Variants in SLCO3A1 observed in about 807,000 individuals in gnomAD.
The protein encoded by SLCO3A1 is PGE1 transporter.
A neutral mutation model predicts 63.1 loss-of-function variants in SLCO3A1; 27 were observed. The observed-to-expected ratio is 0.43, with a 90% CI of 0.32 to 0.59. The LOEUF (loss-of-function observed/expected upper bound fraction) is 0.59, where lower values mean the gene tolerates loss of function less well. SLCO3A1 is among the 20% of genes least tolerant of loss of function. The pLI is 0.09. For synonymous variants in SLCO3A1, 473 were observed against 409.9 expected (o/e 1.15, Z -1.86); for missense variants, 773 against 945.8 (o/e 0.82, Z 2.40).
intron 5 of SLCO3A1, among the ~76,000 whole-genome samples, chr15:92,125,645 A>T (rs561714765): frequency 1.3e-5 from 2 of 151,870 alleles, no homozygotes; most frequent in Middle Eastern, 3.4e-3. Context: ...TCCCTAAATG[A>T]TCTCAAGTCC....
At chr15:91,923,858 A>G (rs1050656165) in intron 2 of SLCO3A1, among the ~76,000 whole-genome samples, 6 of 152,220 alleles carry the variant, frequency 3.9e-5, no homozygotes, top group African/African-American at 1.2e-4. Context: ...TAAACAATAT[A>G]CATCATTTTA....
At chr15:92,151,225 T>C (rs1459424715) in intron 9 of SLCO3A1, 9 of 497,982 alleles carry the variant, frequency 1.8e-5, no homozygotes, top group Non-Finnish European at 2.8e-5. Context: ...TTATACCAAC[T>C]CTTATCTTCA....
intron 2 of SLCO3A1, among the ~76,000 whole-genome samples, chr15:92,016,263 TAGA>T (rs566671759): frequency 5.1e-4 from 56 of 109,452 alleles, no homozygotes; most frequent in African/African-American, 2.0e-3. Flanking sequence ...ATTAGATAGA[TAGA>T]TAGATAGATA....
chr15:91,964,624 C>T (rs1479763556), intron 2 of SLCO3A1, among the ~76,000 whole-genome samples: 4 of 152,002 alleles, frequency 2.6e-5, no homozygotes, highest in Non-Finnish European at 4.4e-5. Flanking sequence ...TGGACCAGGC[C>T]GGAAGTGGCA....
chr15:92,013,648 C>T (rs908789835), intron 2 of SLCO3A1, among the ~76,000 whole-genome samples: 2 of 152,234 alleles, frequency 1.3e-5, no homozygotes, highest in African/African-American at 4.8e-5. Flanking sequence ...AAATGTCACT[C>T]ACAATCAAAC....
At chr15:91,940,199 C>T (rs1206661778) in intron 2 of SLCO3A1, among the ~76,000 whole-genome samples, 1 of 152,190 alleles carries the variant, frequency 6.6e-6, no homozygotes, top group Non-Finnish European at 1.5e-5. Flanking sequence ...TTCAGATCTC[C>T]TGTGTCTCTG....
At position 92,104,469 on chromosome 15, in the gene SLCO3A1, C is replaced by T; in HGVS notation, c.936C>T (p.Pro312=). The T allele has an allele frequency of 6.2e-7, 1 of 1,614,140 alleles. No homozygotes were observed. The highest frequency in any genetic ancestry group is 8.5e-7 in the Non-Finnish European group (1 of 1,180,036). The part of the protein sequence containing the change: ...AMLSEREYER[P]KPSNGVLRHP... ...TCTCCGAAAGAGAATACGAGAGACC[C>T]AAGCCCAGCAACGGGGTCCTGAGGC... is the stretch of plus-strand genomic sequence containing the variant. Residue 312 remains proline, a synonymous_variant, in exon 4 of 10, where the codon CCC becomes CCT. Coordinates refer to ENST00000318445, the MANE Select transcript of SLCO3A1 (RefSeq NM_013272.4).
rs58284139 is a variant in SLCO3A1 at position 91,853,713 on chromosome 15, C to CGCG, written c.-177_-175dup. On this transcript the variant is annotated 5_prime_UTR_variant, in exon 1 of 10. Transcript: ENST00000318445. ...GGGAGGAGGAGGAGGAAGGGGCGAT[C>CGCG]GCGGCGGCGGCGGCGGCGGCGAGGA... is the stretch of plus-strand genomic sequence containing the variant. 0.17 allele frequency: 58,665 copies of CGCG among 341,566 alleles called. 5,722 individuals are homozygous for CGCG. The highest frequency in any genetic ancestry group is 0.2 in the Admixed American group (3,167 of 16,198). 21.2% of individuals were successfully genotyped at this position (341,566 alleles called of 1,614,324 possible). A position where few individuals can be genotyped will look rare whatever the true frequency, so the allele number is the denominator to read the frequency against.
chr15:92,106,383 C>T (rs191118525), intron 4 of SLCO3A1, among the ~76,000 whole-genome samples: 2 of 152,198 alleles, frequency 1.3e-5, no homozygotes, highest in Admixed American at 1.3e-4. Context: ...CCAGCAGGCC[C>T]CAGGCAAGGA....
chr15:91,942,475 G>A lies in SLCO3A1; in HGVS notation c.646+26017G>A, dbSNP rs959680185. Among the ~76,000 whole-genome samples the A allele has an allele frequency of 6.6e-6, 1 of 152,232 alleles. No individual in the cohort carries two copies. The highest frequency in any genetic ancestry group is 1.5e-5 in the Non-Finnish European group (1 of 68,040). The stretch of plus-strand genomic sequence containing the variant: ...CATGTAGAGACCGTAGTTGGATGTG[G>A]CCTGGAGTTGTGTGTCAGTGGCCAT... On this transcript the variant is annotated intron_variant, in intron 2 of 9. Coordinates refer to ENST00000318445, the MANE Select transcript of SLCO3A1 (RefSeq NM_013272.4). The surrounding 1 kb of genome is among the most constrained non-coding windows in gnomAD (Gnocchi z 4.1).
intron 1 of SLCO3A1, among the ~76,000 whole-genome samples, chr15:91,876,152 T>G (rs1387013528): frequency 6.6e-6 from 1 of 152,184 alleles, no homozygotes; most frequent in Non-Finnish European, 1.5e-5. Flanking sequence ...TTCTATAAAT[T>G]AATTTTTAAA....
At chr15:92,022,760 G>A (rs1270297573) in intron 2 of SLCO3A1, among the ~76,000 whole-genome samples, 1 of 152,198 alleles carries the variant, frequency 6.6e-6, no homozygotes, top group Admixed American at 6.5e-5. Context: ...TGCATGGTTG[G>A]TTAGGGAATG....
chr15:91,879,648 G>T (rs376657295), intron 1 of SLCO3A1, among the ~76,000 whole-genome samples: 158 of 152,260 alleles, frequency 1.0e-3, no homozygotes, highest in African/African-American at 3.5e-3. Flanking sequence ...TGTTCTAGCC[G>T]CTCAGAACAT....
chr15:91,990,295 T>A (rs2046110363), intron 2 of SLCO3A1, among the ~76,000 whole-genome samples: 1 of 152,198 alleles, frequency 6.6e-6, no homozygotes, highest in South Asian at 2.1e-4. Context: ...TTTGCCAGAA[T>A]TAAAGCAATG....
intron 2 of SLCO3A1, among the ~76,000 whole-genome samples, chr15:91,987,086 T>A (rs1206812166): frequency 2.6e-5 from 4 of 152,162 alleles, no homozygotes; most frequent in Admixed American, 1.3e-4. Flanking sequence ...GAGCAGAAGT[T>A]GCTTTTTATC....
chr15:92,135,384 G>A (rs1040219846), intron 7 of SLCO3A1, among the ~76,000 whole-genome samples: 2 of 152,212 alleles, frequency 1.3e-5, no homozygotes, highest in Non-Finnish European at 2.9e-5. Flanking sequence ...CGGGGTGCAA[G>A]GTGGAAGGAG....
At chr15:92,157,072 A>G (rs1173567550) in intron 9 of SLCO3A1, 1 of 152,222 alleles carries the variant, frequency 6.6e-6, no homozygotes, top group African/African-American at 2.4e-5. Context: ...TATAGCTGCA[A>G]TTTAAGCCAG....
intron 2 of SLCO3A1, among the ~76,000 whole-genome samples, chr15:91,979,326 T>C (rs1403405291): frequency 6.6e-6 from 1 of 152,224 alleles, no homozygotes; most frequent in Non-Finnish European, 1.5e-5. Flanking sequence ...TTTGATACAA[T>C]AGTCTAACTA....
At chr15:92,145,882 A>G (rs2283458) in intron 7 of SLCO3A1, among the ~76,000 whole-genome samples, 104,815 of 151,964 alleles carry the variant, frequency 0.69, 36,814 homozygotes, top group African/African-American at 0.84. Context: ...ATACAGACTG[A>G]CCCTGTTGGG....
Sources: gnomAD v4.1 joint callset for allele counts (sites outside exome capture counted in the v4.1 genomes callset) on GRCh38, gnomAD v4.1.1 for gene constraint, Gnocchi (gnomAD v3.1) non-coding constraint, MANE v1.5 for transcripts, NCBI Gene and HGNC (gene_info 2026-07-23, HGNC 2026-07-21) for gene names.